LCA5: variants seen among roughly 807,000 people sequenced by gnomAD.
The protein encoded by LCA5 is lebercilin.
In LCA5, 37 loss-of-function variants were observed where a neutral mutation model predicts 53.0. That is an observed-to-expected ratio of 0.70 (90% CI 0.54 to 0.92). The LOEUF (loss-of-function observed/expected upper bound fraction) is 0.92, where lower values mean the gene tolerates loss of function less well. LCA5 is among the 40% of genes least tolerant of loss of function. LCA5 has a pLI of 0.00. For synonymous variants in LCA5, 303 were observed against 282.9 expected (o/e 1.07, Z -0.71); for missense variants, 806 against 790.5 (o/e 1.02, Z -0.23).
intron 1 of LCA5, among the ~76,000 whole-genome samples, chr6:79,531,215 A>G (rs577744032): frequency 2.3e-4 from 35 of 152,278 alleles, no homozygotes; most frequent in African/African-American, 7.5e-4. Flanking sequence ...CTCCACCTGT[A>G]TCTATCCCAT....
chr6:79,523,352 G>A (rs1766683052), intron 1 of LCA5, among the ~76,000 whole-genome samples: 2 of 152,254 alleles, frequency 1.3e-5, no homozygotes, highest in Middle Eastern at 3.4e-3. Context: ...AAAGGATAAT[G>A]ATAACAGCAA....
chr6:79,486,991 ATACTC>A lies in LCA5; in HGVS notation c.*8_*12del, dbSNP rs775189575. The A allele has an allele frequency of 3.1e-6, 5 of 1,601,930 alleles. No individual in the cohort carries two copies. Among genetic ancestry groups the A allele is most frequent in the African/African-American group, 2.7e-5 (2 of 74,642 alleles). ...CAATATTTACAATTAGAAAAAATGT[ATACTC>A]TAGTCAGTCATCTCAGTGCTACTTC... On this transcript the variant is annotated 3_prime_UTR_variant, in exon 8 of 8. Coordinates refer to ENST00000369846, the MANE Select transcript of LCA5 (RefSeq NM_001122769.3).
intron 3 of LCA5, among the ~76,000 whole-genome samples, chr6:79,499,847 TCC>T (rs1770085660): frequency 7.5e-6 from 1 of 133,114 alleles, no homozygotes; most frequent in Non-Finnish European, 1.6e-5. Flanking sequence ...CCTCCCCCAC[TCC>T]CCCCACCCCA....
chr6:79,514,342 T>C (rs1178908320), intron 2 of LCA5, among the ~76,000 whole-genome samples: 1 of 152,118 alleles, frequency 6.6e-6, no homozygotes, highest in African/African-American at 2.4e-5. Context: ...GAATGACTAT[T>C]ATTAAAAAGT....
chr6:79,491,742 A>G lies in LCA5; in HGVS notation c.956-12T>C. The stretch of plus-strand genomic sequence containing the variant: ...ACTCTGGCATGCAGCTACAGTGAAA[A>G]TTATTTTTAAAAAATTATTACAATG... On this transcript the variant is annotated splice_polypyrimidine_tract_variant and intron_variant, in intron 5 of 7. Transcript: ENST00000369846. 1 of 1,610,216 alleles carries G rather than the reference A, an allele frequency of 6.2e-7. No homozygotes were observed.
intron 1 of LCA5, among the ~76,000 whole-genome samples, chr6:79,526,361 G>C (rs951833405): frequency 6.6e-6 from 1 of 152,018 alleles, no homozygotes; most frequent in Non-Finnish European, 1.5e-5. Flanking sequence ...TGGCTAACAC[G>C]GTGAAACCCC....
At chr6:79,500,474 T>C (rs1770107931) in intron 3 of LCA5, among the ~76,000 whole-genome samples, 1 of 152,206 alleles carries the variant, frequency 6.6e-6, no homozygotes, top group African/African-American at 2.4e-5. Context: ...AATAAGTCTA[T>C]CAATGTCAGC....
At chr6:79,514,297 A>G (rs1332326127) in intron 2 of LCA5, among the ~76,000 whole-genome samples, 2 of 151,964 alleles carry the variant, frequency 1.3e-5, no homozygotes, top group African/African-American at 2.4e-5. Context: ...TCACTTTTTA[A>G]TGGGGTACAA....
chr6:79,531,144 G>C (rs1766948418), intron 1 of LCA5, among the ~76,000 whole-genome samples: 1 of 152,102 alleles, frequency 6.6e-6, no homozygotes, highest in South Asian at 2.1e-4. Context: ...ACTCTTCGTT[G>C]AGTGACCTAC....
Position 79,513,446 on chromosome 6 carries a change from A to C in LCA5, c.486T>G (p.Phe162Leu), listed in dbSNP as rs750446765. Residue 162 changes from phenylalanine to leucine, a missense_variant, in exon 3 of 8, where the codon TTT becomes TTG. Coordinates refer to ENST00000369846, the MANE Select transcript of LCA5 (RefSeq NM_001122769.3). ...DAENEISQLIFRHNNEITALK... is the reference protein window; with the variant it reads ...DAENEISQLILRHNNEITALK... Reference sequence around the variant, plus strand: ...GTGCTGTAATCTCATTGTTATGACGAAATATAAGTTGTGAGATTTCATTTT... The same window carrying C: ...GTGCTGTAATCTCATTGTTATGACGCAATATAAGTTGTGAGATTTCATTTT... 1 of 1,613,942 alleles carries C rather than the reference A, an allele frequency of 6.2e-7. No individual in the cohort carries two copies. The highest frequency in any genetic ancestry group is 1.1e-5 in the South Asian group (1 of 91,078).
chr6:79,531,036 G>A (rs944921559), intron 1 of LCA5, among the ~76,000 whole-genome samples: 1 of 152,058 alleles, frequency 6.6e-6, no homozygotes, highest in Non-Finnish European at 1.5e-5. Flanking sequence ...CCTTTGCAAA[G>A]ATTTAGGAAA....
At chr6:79,492,409 A>G in intron 5 of LCA5, 142 bp downstream of exon 5, 1 of 443,918 alleles carries the variant, frequency 2.3e-6, no homozygotes, top group Non-Finnish European at 4.1e-6. Context: ...GAAAATTATT[A>G]GGAAATTTAA....
At chr6:79,491,245 A>T (rs1453478698) in intron 6 of LCA5, among the ~76,000 whole-genome samples, 1 of 152,100 alleles carries the variant, frequency 6.6e-6, no homozygotes, top group Non-Finnish European at 1.5e-5. Context: ...GAAATAGGTG[A>T]TGTAAACTAA....
At chr6:79,503,875 G>A (rs1015896530) in intron 3 of LCA5, among the ~76,000 whole-genome samples, 1 of 152,226 alleles carries the variant, frequency 6.6e-6, no homozygotes, top group Non-Finnish European at 1.5e-5. Context: ...CTAACTAATA[G>A]TCTAATTAAA....
intron 3 of LCA5, among the ~76,000 whole-genome samples, chr6:79,504,926 C>T (rs75439192): frequency 0.026 from 3,940 of 151,982 alleles, 61 homozygotes; most frequent in Middle Eastern, 0.071. Flanking sequence ...TGGTACACTC[C>T]CATCTGTGGT....
intron 3 of LCA5, among the ~76,000 whole-genome samples, chr6:79,498,258 T>C (rs1029170211): frequency 1.4e-4 from 22 of 151,948 alleles, no homozygotes; most frequent in African/African-American, 5.3e-4. Flanking sequence ...ACAAATGGGA[T>C]AAAATGTTAG....
chr6:79,498,604 T>A (rs1770047334), intron 3 of LCA5, among the ~76,000 whole-genome samples: 2 of 152,190 alleles, frequency 1.3e-5, no homozygotes, highest in Middle Eastern at 3.4e-3. Flanking sequence ...CACTTAAACA[T>A]ATATTTCAGT....
chr6:79,506,940 G>A (rs1324931125), intron 3 of LCA5, among the ~76,000 whole-genome samples: 1 of 152,130 alleles, frequency 6.6e-6, no homozygotes. Context: ...GAATGTTAGT[G>A]TATCCAAATA....
intron 1 of LCA5, among the ~76,000 whole-genome samples, chr6:79,530,109 A>AAT (rs889770370): frequency 6.6e-5 from 10 of 151,872 alleles, no homozygotes; most frequent in East Asian, 3.9e-4. Context: ...GTATAATAAA[A>AAT]ATATATATAT....
Sources: gnomAD v4.1 joint callset for allele counts (sites outside exome capture counted in the v4.1 genomes callset) on GRCh38, gnomAD v4.1.1 for gene constraint, MANE v1.5 for transcripts, NCBI Gene and HGNC (gene_info 2026-07-23, HGNC 2026-07-21) for gene names.